Variants in SORCS3 observed in about 807,000 individuals in gnomAD.
SORCS3 encodes VPS10 domain-containing receptor SorCS3.
SORCS3 carries 57 observed loss-of-function variants against 146.3 expected under a neutral mutation model. The observed-to-expected ratio is 0.39, with a 90% confidence interval of 0.31 to 0.49. The LOEUF (loss-of-function observed/expected upper bound fraction) is 0.49. Ranked by LOEUF, SORCS3 falls within the 20% of genes least tolerant of loss-of-function variation. The pLI is 0.92. For missense variants in SORCS3, 1,341 were observed against 1,575.5 expected (o/e 0.85, Z 2.52); for synonymous variants, 653 against 618.5 (o/e 1.06, Z -0.83).
At chr10:104,906,371 T>C (rs1564710394) in intron 2 of SORCS3, among the ~76,000 whole-genome samples, 1 of 152,184 alleles carries the variant, frequency 6.6e-6, no homozygotes, top group Non-Finnish European at 1.5e-5. Flanking sequence ...ACTGCTGATA[T>C]GGTGGGAATG....
chr10:105,069,870 G>A (rs1432669711), intron 5 of SORCS3, among the ~76,000 whole-genome samples: 1 of 152,122 alleles, frequency 6.6e-6, no homozygotes, highest in African/African-American at 2.4e-5. Flanking sequence ...CTCCTGGCAA[G>A]TTGGTCTCTT....
chr10:104,744,344 C>T lies in SORCS3; in HGVS notation c.628-98448C>T, dbSNP rs116913466. Among the ~76,000 whole-genome samples the T allele has an allele frequency of 5.8e-4, 89 of 152,242 alleles. No homozygotes were observed. The East Asian group carries it at 0.015, about 25-fold the overall frequency. On this transcript the variant is annotated intron_variant, in intron 1 of 26. Coordinates refer to ENST00000369701, the MANE Select transcript of SORCS3 (RefSeq NM_014978.3). ...ACATGCTGGGCCTCCTTGATTTATA[C>T]CAGTGAATCTGTTGAATGAGATTTC...
chr10:104,644,815 G>A (rs11192144), intron 1 of SORCS3, among the ~76,000 whole-genome samples: 1 of 152,170 alleles, frequency 6.6e-6, no homozygotes, highest in Non-Finnish European at 1.5e-5. Context: ...CTGATTGCTT[G>A]ATATGAGTTC....
chr10:104,977,320 C>A lies in SORCS3; in HGVS notation c.796-15C>A. ...ACTAACTCTGTCTGTATATGTCCCT[C>A]TATCCTTTCTTTAGATTATGCTTCT... On this transcript the variant is annotated splice_polypyrimidine_tract_variant and intron_variant, in intron 3 of 26. Coordinates refer to ENST00000369701, the MANE Select transcript of SORCS3 (RefSeq NM_014978.3). 1 of 1,603,924 alleles carries A rather than the reference C, an allele frequency of 6.2e-7. No individual in the cohort carries two copies. The highest frequency in any genetic ancestry group is 8.5e-7 in the Non-Finnish European group (1 of 1,175,228).
intron 4 of SORCS3, among the ~76,000 whole-genome samples, chr10:105,008,082 A>T (rs1395887873): frequency 6.6e-6 from 1 of 152,128 alleles, no homozygotes; most frequent in Non-Finnish European, 1.5e-5. Flanking sequence ...TCTGTTTAGC[A>T]TTTCTGATTC....
At chr10:104,697,386 G>T (rs151231758) in intron 1 of SORCS3, among the ~76,000 whole-genome samples, 27 of 152,262 alleles carry the variant, frequency 1.8e-4, no homozygotes, top group Middle Eastern at 3.4e-3. Context: ...GCATAGCTCT[G>T]CTTAGCACAC....
At chr10:105,167,588 G>T (rs2056324660) in intron 13 of SORCS3, among the ~76,000 whole-genome samples, 1 of 152,070 alleles carries the variant, frequency 6.6e-6, no homozygotes, top group Non-Finnish European at 1.5e-5. Context: ...GGTCAGATAA[G>T]GCAGAAGACA....
intron 3 of SORCS3, among the ~76,000 whole-genome samples, chr10:104,944,915 A>C (rs2133621303): frequency 6.6e-6 from 1 of 152,314 alleles, no homozygotes; most frequent in East Asian, 1.9e-4. Context: ...ATAGCAATAA[A>C]AGCCACAATC....
chr10:104,745,068 A>G (rs2016891358), intron 1 of SORCS3, among the ~76,000 whole-genome samples: 1 of 152,202 alleles, frequency 6.6e-6, no homozygotes, highest in Non-Finnish European at 1.5e-5. Context: ...AAAAAGTTAA[A>G]CATAACAATT....
intron 2 of SORCS3, among the ~76,000 whole-genome samples, chr10:104,888,154 C>A (rs1039898708): frequency 1.3e-5 from 2 of 152,108 alleles, no homozygotes; most frequent in Non-Finnish European, 2.9e-5. Flanking sequence ...AAATAATTCC[C>A]CTTACCTTTA....
intron 3 of SORCS3, among the ~76,000 whole-genome samples, chr10:104,959,400 G>A (rs2054778510): frequency 6.6e-6 from 1 of 152,076 alleles, no homozygotes; most frequent in African/African-American, 2.4e-5. Context: ...AGGGACCTCA[G>A]AGAACTCTCT....
At chr10:104,899,024 T>C (rs1428515048) in intron 2 of SORCS3, among the ~76,000 whole-genome samples, 1 of 152,208 alleles carries the variant, frequency 6.6e-6, no homozygotes, top group Non-Finnish European at 1.5e-5. Flanking sequence ...GATACCTATT[T>C]ACTATTCTCA....
At chr10:104,894,843 G>C (rs552517487) in intron 2 of SORCS3, among the ~76,000 whole-genome samples, 1 of 152,272 alleles carries the variant, frequency 6.6e-6, no homozygotes, top group African/African-American at 2.4e-5. Flanking sequence ...GAGAAGTGAC[G>C]AGCTCAGTTT....
intron 2 of SORCS3, among the ~76,000 whole-genome samples, chr10:104,910,357 T>C (rs1000959537): frequency 6.6e-6 from 1 of 152,246 alleles, no homozygotes; most frequent in Non-Finnish European, 1.5e-5. Flanking sequence ...GAAAAACTTT[T>C]CTTCACAAAT....
At chr10:105,018,702 T>C (rs1166708274) in intron 4 of SORCS3, among the ~76,000 whole-genome samples, 1 of 152,250 alleles carries the variant, frequency 6.6e-6, no homozygotes, top group Admixed American at 6.5e-5. Context: ...TGAATTGAAT[T>C]GTCTCCCTCA....
At chr10:105,060,853 C>T (rs973893414) in intron 5 of SORCS3, among the ~76,000 whole-genome samples, 5 of 151,940 alleles carry the variant, frequency 3.3e-5, no homozygotes, top group Admixed American at 1.3e-4. Context: ...AGGAGAATCC[C>T]TTCAACCCGG....
intron 1 of SORCS3, among the ~76,000 whole-genome samples, chr10:104,791,359 C>T (rs534490138): frequency 6.6e-6 from 1 of 152,180 alleles, no homozygotes; most frequent in Non-Finnish European, 1.5e-5. Flanking sequence ...AACAGCCTTT[C>T]CTTTTCCTGG....
At chr10:104,781,953 G>A (rs1004601713) in intron 1 of SORCS3, among the ~76,000 whole-genome samples, 48 of 152,320 alleles carry the variant, frequency 3.2e-4, no homozygotes, top group South Asian at 2.1e-4. Flanking sequence ...ATGGAGTTAC[G>A]GAGCTTTACA....
intron 4 of SORCS3, among the ~76,000 whole-genome samples, chr10:105,017,775 T>C (rs1223501876): frequency 6.6e-6 from 1 of 152,154 alleles, no homozygotes; most frequent in Non-Finnish European, 1.5e-5. Flanking sequence ...AAACATGCAG[T>C]TGTTTACCAC....
Sources: allele counts gnomAD v4.1 joint callset (sites outside exome capture counted in the v4.1 genomes callset), GRCh38; gene constraint gnomAD v4.1.1; transcripts MANE v1.5; gene names NCBI Gene and HGNC (gene_info 2026-07-23, HGNC 2026-07-21).